CDH12: variants seen among roughly 807,000 people sequenced by gnomAD.
CDH12 encodes cadherin 12.
Under a neutral mutation model 74.1 loss-of-function variants are expected in CDH12, and 41 were observed. The observed-to-expected ratio is 0.55, with a 90% CI of 0.43 to 0.72. The LOEUF (loss-of-function observed/expected upper bound fraction) is 0.72. Among genes scored for constraint, CDH12 ranks in the 30% least tolerant of loss-of-function variants. The pLI is 0.00. For synonymous variants in CDH12, 399 were observed against 355.0 expected (o/e 1.12, Z -1.39); for missense variants, 945 against 977.2 (o/e 0.97, Z 0.44).
intron 1 of CDH12, among the ~76,000 whole-genome samples, chr5:22,823,070 C>T (rs1200889094): frequency 6.6e-6 from 1 of 152,036 alleles, no homozygotes; most frequent in Non-Finnish European, 1.5e-5. Flanking sequence ...ATGAAGAGTT[C>T]ATGTCCTTTG....
At chr5:21,911,319 A>C (rs992481548) in intron 6 of CDH12, among the ~76,000 whole-genome samples, 7 of 152,072 alleles carry the variant, frequency 4.6e-5, no homozygotes, top group African/African-American at 1.7e-4. Context: ...TAGAAGTCAG[A>C]CTCATTACTT....
At chr5:22,713,547 G>T (rs750724744) in intron 1 of CDH12, among the ~76,000 whole-genome samples, 1 of 151,782 alleles carries the variant, frequency 6.6e-6, no homozygotes, top group Non-Finnish European at 1.5e-5. Flanking sequence ...GTCTACTTAT[G>T]AAAAATGCTG....
At chr5:21,867,186 C>G (rs1012853810) in intron 6 of CDH12, among the ~76,000 whole-genome samples, 2 of 152,120 alleles carry the variant, frequency 1.3e-5, no homozygotes, top group African/African-American at 4.8e-5. Context: ...GAACCCATGT[C>G]TCTACTAAAA....
chr5:21,977,508 T>C (rs2963529), intron 5 of CDH12, among the ~76,000 whole-genome samples: 8,371 of 152,176 alleles, frequency 0.055, 673 homozygotes, highest in African/African-American at 0.18. Context: ...AAAGAATATA[T>C]GGTAATATTG....
At chr5:22,638,126 A>G (rs559447048) in intron 1 of CDH12, among the ~76,000 whole-genome samples, 2 of 152,346 alleles carry the variant, frequency 1.3e-5, no homozygotes, top group East Asian at 1.9e-4. Context: ...GAGGGAACTC[A>G]TGTATTAGAC....
At chr5:22,400,008 ATTAT>A (rs1742647495) in intron 3 of CDH12, among the ~76,000 whole-genome samples, 1 of 152,160 alleles carries the variant, frequency 6.6e-6, no homozygotes, top group Middle Eastern at 3.2e-3. Context: ...TTATTAAATA[ATTAT>A]TTGTGCACAG....
intron 1 of CDH12, among the ~76,000 whole-genome samples, chr5:22,700,933 A>C (rs1380774670): frequency 1.3e-5 from 2 of 152,206 alleles, no homozygotes; most frequent in Non-Finnish European, 2.9e-5. Context: ...TTTTCTTGCT[A>C]GTTTCTACTT....
At chr5:22,283,125 T>C (rs1248828021) in intron 3 of CDH12, among the ~76,000 whole-genome samples, 2 of 150,116 alleles carry the variant, frequency 1.3e-5, no homozygotes, top group Non-Finnish European at 3.0e-5. Flanking sequence ...CACAGAATAT[T>C]TGTCCATCTT....
At chr5:22,493,412 G>A (rs1011937511) in intron 2 of CDH12, among the ~76,000 whole-genome samples, 1 of 152,096 alleles carries the variant, frequency 6.6e-6, no homozygotes, top group Admixed American at 6.6e-5. Flanking sequence ...GAAATATATT[G>A]AGAAAAATTT....
chr5:22,103,463 A>G (rs1431911687), intron 4 of CDH12, among the ~76,000 whole-genome samples: 1 of 152,270 alleles, frequency 6.6e-6, no homozygotes, highest in Admixed American at 6.5e-5. Flanking sequence ...ACTGCCCTCT[A>G]TTTGCTGGTG....
chr5:22,766,292 A>G (rs546363657), intron 1 of CDH12, among the ~76,000 whole-genome samples: 1 of 152,108 alleles, frequency 6.6e-6, no homozygotes, highest in Non-Finnish European at 1.5e-5. Flanking sequence ...ACAGGTGCAC[A>G]AAGACATGCA....
chr5:22,326,471 G>A (rs1366991268), intron 3 of CDH12, among the ~76,000 whole-genome samples: 4 of 152,114 alleles, frequency 2.6e-5, no homozygotes, highest in East Asian at 3.9e-4. Context: ...TCCTGACCTC[G>A]TGATCCGACC....
chr5:22,044,568 T>TG (rs1739802198), intron 5 of CDH12, among the ~76,000 whole-genome samples: 2 of 152,090 alleles, frequency 1.3e-5, no homozygotes, highest in African/African-American at 4.8e-5. Context: ...TCCCTCAACA[T>TG]GTGGGGATTA....
At chr5:22,834,882 G>A (rs7702880) in intron 1 of CDH12, among the ~76,000 whole-genome samples, 1,861 of 152,052 alleles carry the variant, frequency 0.012, 45 homozygotes, top group African/African-American at 0.043. Context: ...AAGGAAAGAA[G>A]AGAAGGAGAG....
intron 2 of CDH12, among the ~76,000 whole-genome samples, chr5:22,465,792 C>A (rs1403752721): frequency 6.6e-6 from 1 of 152,188 alleles, no homozygotes; most frequent in Non-Finnish European, 1.5e-5. Flanking sequence ...GTCTGCAGAT[C>A]ACAAAGGCAT....
chr5:22,632,087 G>T (rs1027223467), intron 1 of CDH12, among the ~76,000 whole-genome samples: 6 of 152,052 alleles, frequency 3.9e-5, no homozygotes, highest in Admixed American at 2.6e-4. Flanking sequence ...AGGAGGGTGA[G>T]GATCTTAAAA....
intron 1 of CDH12, among the ~76,000 whole-genome samples, chr5:22,671,690 T>C (rs1740905915): frequency 6.6e-6 from 1 of 152,042 alleles, no homozygotes; most frequent in African/African-American, 2.4e-5. Context: ...ATCATTCAGC[T>C]TAGAATCCAC....
intron 5 of CDH12, among the ~76,000 whole-genome samples, chr5:22,009,414 C>T (rs892985604): frequency 6.6e-6 from 1 of 152,146 alleles, no homozygotes; most frequent in Non-Finnish European, 1.5e-5. Flanking sequence ...TCCAAAGGCT[C>T]TTCCTGTCTT....
intron 1 of CDH12, among the ~76,000 whole-genome samples, chr5:22,759,445 A>C (rs1035692710): frequency 6.6e-6 from 1 of 152,136 alleles, no homozygotes; most frequent in Non-Finnish European, 1.5e-5. Flanking sequence ...TTTAGGAAAT[A>C]CTTGCTTCTT....
Sources: allele counts gnomAD v4.1 joint callset (sites outside exome capture counted in the v4.1 genomes callset), GRCh38; gene constraint gnomAD v4.1.1; transcripts MANE v1.5; gene names NCBI Gene and HGNC (gene_info 2026-07-23, HGNC 2026-07-21).